Variants in FRMD4A observed in about 807,000 individuals in gnomAD.
The protein encoded by FRMD4A is FERM domain-containing protein 4A.
In FRMD4A, 29 loss-of-function variants were observed where a neutral mutation model predicts 129.1. The observed-to-expected ratio is 0.22, with a 90% confidence interval of 0.17 to 0.31. The LOEUF (loss-of-function observed/expected upper bound fraction) is 0.31, where lower values mean the gene tolerates loss of function less well. Among genes scored for constraint, FRMD4A ranks in the 10% least tolerant of loss-of-function variants. The pLI is 1.00. For synonymous variants in FRMD4A, 634 were observed against 571.6 expected (o/e 1.11, Z -1.56); for missense variants, 1,272 against 1,375.8 (o/e 0.92, Z 1.19).
chr10:14,239,840 T>C (rs901594792), intron 2 of FRMD4A, among the ~76,000 whole-genome samples: 1 of 152,184 alleles, frequency 6.6e-6, no homozygotes, highest in African/African-American at 2.4e-5. Flanking sequence ...GCTGAAAGCA[T>C]GGTGTGATTT....
chr10:13,862,750 T>C (rs756543200), intron 2 of FRMD4A, among the ~76,000 whole-genome samples: 2 of 152,202 alleles, frequency 1.3e-5, no homozygotes, highest in African/African-American at 2.4e-5. Flanking sequence ...CTGCCTGTTG[T>C]TCCATATTCA....
chr10:14,160,707 A>G (rs993538493), intron 2 of FRMD4A, among the ~76,000 whole-genome samples: 2 of 152,200 alleles, frequency 1.3e-5, no homozygotes, highest in South Asian at 4.1e-4. Flanking sequence ...AACATCACCA[A>G]TCATCAGGGA....
chr10:14,265,183 G>A (rs1031541107), intron 2 of FRMD4A, among the ~76,000 whole-genome samples: 41 of 152,322 alleles, frequency 2.7e-4, no homozygotes, highest in African/African-American at 9.4e-4. Flanking sequence ...AGTACCCAAC[G>A]TAGAGCAGGC....
At chr10:13,971,781 C>G in intron 2 of FRMD4A, 2 of 1,304,322 alleles carry the variant, frequency 1.5e-6, no homozygotes, top group South Asian at 2.5e-5. Context: ...TCCTCAGAGC[C>G]AAGCAGCCCA....
chr10:14,078,970 G>C (rs182363101), intron 2 of FRMD4A, among the ~76,000 whole-genome samples: 1 of 152,338 alleles, frequency 6.6e-6, no homozygotes. Flanking sequence ...CCTAGGTCTT[G>C]AAGGGTTTCC....
At chr10:13,959,621 C>T (rs184592464) in intron 2 of FRMD4A, among the ~76,000 whole-genome samples, 10 of 151,356 alleles carry the variant, frequency 6.6e-5, no homozygotes, top group Admixed American at 3.3e-4. Flanking sequence ...CAGCTGAGCT[C>T]GTTGTTTCAT....
At chr10:14,076,754 T>A (rs187970838) in intron 2 of FRMD4A, among the ~76,000 whole-genome samples, 2 of 152,322 alleles carry the variant, frequency 1.3e-5, no homozygotes, top group Non-Finnish European at 2.9e-5. Flanking sequence ...CTTGTCTGTA[T>A]CTCTCCCCAA....
At chr10:13,666,513 C>T (rs1205969285) in intron 17 of FRMD4A, among the ~76,000 whole-genome samples, 188 bp from the exon 18 acceptor site, 4 of 152,198 alleles carry the variant, frequency 2.6e-5, no homozygotes, top group Non-Finnish European at 5.9e-5. Flanking sequence ...GCTCCTGTTA[C>T]TTTCTGAAGA....
chr10:14,022,429 A>G (rs1045238649), intron 2 of FRMD4A, among the ~76,000 whole-genome samples: 3 of 152,088 alleles, frequency 2.0e-5, no homozygotes, highest in Admixed American at 2.0e-4. Context: ...AGAGAACTTG[A>G]CCTCCAAAAC....
rs2134257882 is a variant in FRMD4A, at chr10:13,643,864, T to A, written c.*3174A>T. On this transcript the variant is annotated 3_prime_UTR_variant, in exon 25 of 25. Transcript: ENST00000357447. ...TACAACGTACATCTTTTTCATTGAT[T>A]ACAGTTGAACAGAATCCAGTAAAAT... 1 of 152,804 alleles carries A rather than the reference T, an allele frequency of 6.5e-6. No individual in the cohort carries two copies. Among genetic ancestry groups the A allele is most frequent in the East Asian group, 1.9e-4 (1 of 5,196 alleles). The allele number at this position is 152,804 out of a possible 1,614,324, so 9.5% of individuals were successfully genotyped here. A position where few individuals can be genotyped will look rare whatever the true frequency, so the allele number is the denominator to read the frequency against.
chr10:14,033,904 G>A (rs959725603), intron 2 of FRMD4A, among the ~76,000 whole-genome samples: 2 of 152,104 alleles, frequency 1.3e-5, no homozygotes, highest in African/African-American at 4.8e-5. Context: ...TAGACACCAT[G>A]GAATGCTACA....
At chr10:14,125,718 CACAG>C (rs1033493486) in intron 2 of FRMD4A, among the ~76,000 whole-genome samples, 1 of 150,334 alleles carries the variant, frequency 6.7e-6, no homozygotes, top group African/African-American at 2.5e-5. Context: ...CTCTCTCACA[CACAG>C]ACACACACAC....
chr10:14,264,479 C>T (rs930421939), intron 2 of FRMD4A, among the ~76,000 whole-genome samples: 1 of 152,132 alleles, frequency 6.6e-6, no homozygotes, highest in Non-Finnish European at 1.5e-5. Flanking sequence ...CATTTATTGC[C>T]AAAACAATGC....
At chr10:13,958,804 C>T (rs1164264614) in intron 2 of FRMD4A, among the ~76,000 whole-genome samples, 1 of 151,990 alleles carries the variant, frequency 6.6e-6, no homozygotes. Flanking sequence ...AGGCTGGTCT[C>T]GAATTCCTGA....
intron 3 of FRMD4A, 109 bp from the exon 4 acceptor site, chr10:13,811,017 A>G: frequency 3.3e-6 from 2 of 599,140 alleles, no homozygotes; most frequent in Non-Finnish European, 6.0e-6. Flanking sequence ...ACAAAGCTCA[A>G]GTATTTTGAA....
chr10:13,696,976 T>C (rs2086283921), intron 14 of FRMD4A, among the ~76,000 whole-genome samples: 1 of 152,206 alleles, frequency 6.6e-6, no homozygotes, highest in Non-Finnish European at 1.5e-5. Flanking sequence ...GTTAGATTGA[T>C]GGCCCAACCA....
chr10:13,850,635 A>G (rs549541551), intron 3 of FRMD4A, among the ~76,000 whole-genome samples: 3 of 152,208 alleles, frequency 2.0e-5, no homozygotes, highest in Admixed American at 2.0e-4. Context: ...TTTGGTTGCC[A>G]TCGTTTATGG....
chr10:14,323,142 C>G (rs977509859), intron 2 of FRMD4A, among the ~76,000 whole-genome samples: 2 of 152,208 alleles, frequency 1.3e-5, no homozygotes, highest in African/African-American at 4.8e-5. Flanking sequence ...GGTGGTCACT[C>G]ATTGTCCAGA....
At chr10:14,061,480 G>T (rs1834811654) in intron 2 of FRMD4A, among the ~76,000 whole-genome samples, 1 of 152,066 alleles carries the variant, frequency 6.6e-6, no homozygotes, top group Non-Finnish European at 1.5e-5. Context: ...AAAATAAGCT[G>T]TCATTTTAAA....
Sources: gnomAD v4.1 joint callset for allele counts (sites outside exome capture counted in the v4.1 genomes callset) on GRCh38, gnomAD v4.1.1 for gene constraint, MANE v1.5 for transcripts, NCBI Gene and HGNC (gene_info 2026-07-23, HGNC 2026-07-21) for gene names.